The following CA5B variants were observed in gnomAD, a reference collection of about 807,000 sequenced individuals.
CA5B encodes carbonic anhydrase 5B, also known as carbonic anhydrase 5B, mitochondrial.
In CA5B, 15 loss-of-function variants were observed where a neutral mutation model predicts 23.1. The observed-to-expected ratio is 0.65, with a 90% confidence interval of 0.43 to 1.00. The LOEUF is 1.00. CA5B is among the 50% of genes least tolerant of loss of function. The pLI, the probability that CA5B is intolerant of heterozygous loss-of-function variation, is 0.00. For synonymous variants in CA5B, 84 were observed against 98.5 expected (o/e 0.85, Z 0.87); for missense variants, 236 against 252.2 (o/e 0.94, Z 0.43).
At chrX:15,754,986 G>T (rs1346755423) in intron 2 of CA5B, among the ~76,000 whole-genome samples, 1 of 111,856 alleles carries the variant, frequency 8.9e-6, no homozygotes, top group African/African-American at 3.3e-5. Context: ...CATCAGAGAG[G>T]GTTCTATTTG....
intron 2 of CA5B, among the ~76,000 whole-genome samples, chrX:15,758,511 T>A (rs1931539162): frequency 9.0e-6 from 1 of 111,199 alleles, no homozygotes; most frequent in African/African-American, 3.3e-5. Flanking sequence ...TTTATTTTTA[T>A]TTTTTTATTT....
At chrX:15,751,918 C>G (rs763188895) in intron 2 of CA5B, among the ~76,000 whole-genome samples, 1 of 111,389 alleles carries the variant, frequency 9.0e-6, no homozygotes, top group South Asian at 3.8e-4. Context: ...AACAGAAGGC[C>G]AATGTACACT....
chrX:15,744,186 A>G (rs746960394), intron 1 of CA5B, among the ~76,000 whole-genome samples: 8 of 112,828 alleles, frequency 7.1e-5, no homozygotes, highest in Non-Finnish European at 1.3e-4. Flanking sequence ...TGATTGCAGA[A>G]TGGAGGGCAG....
At chrX:15,775,491 G>A (rs756622139) in intron 6 of CA5B, 183 bp downstream of exon 6, 41 of 972,117 alleles carry the variant, frequency 4.2e-5, no homozygotes, top group African/African-American at 2.4e-4. Context: ...TAGGCAGTGA[G>A]CTTTCTGGTT....
Position 15,772,587 on chromosome X carries a change from C to G in CA5B, c.432C>G (p.Thr144=). Residue 144 remains threonine (T), a synonymous_variant, in exon 4 of 8, where the codon ACC becomes ACG. Transcript: ENST00000318636. ...TCGATGCCTGGGGTTCTGAGCACAC[C>G]GTGGACAGCAAATGCTTCCCAGCAG... ...GAIDAWGSEH[T]VDSKCFPAEL... The G allele has an allele frequency of 8.4e-7, 1 of 1,193,592 alleles. No individual in the cohort carries two copies.
In CA5B at chrX:15,768,006, A is replaced by T. The variant is rs1931747000; in HGVS notation, c.340+3231A>T. ...CTTCACCTCCTGGCTTCAGGCAATT[A>T]TCCCGCCTCAGCCTCCTGAGTAGCT... is the stretch of plus-strand genomic sequence containing the variant. On this transcript the variant is annotated intron_variant, in intron 3 of 7. Coordinates refer to ENST00000318636, the MANE Select transcript of CA5B (RefSeq NM_007220.4). 3.2e-5 allele frequency among the ~76,000 whole-genome samples: 3 copies of T among 93,845 alleles called. No individual in the cohort carries two copies. The Admixed American group carries it at 3.7e-4, about 12-fold the overall frequency. 81.5% of individuals were successfully genotyped at this position (93,845 alleles called of 115,157 possible). A position where few individuals can be genotyped will look rare whatever the true frequency, so the allele number is the denominator to read the frequency against.
intron 2 of CA5B, among the ~76,000 whole-genome samples, chrX:15,757,807 C>T (rs903387852): frequency 5.4e-5 from 6 of 110,475 alleles, no homozygotes; most frequent in Non-Finnish European, 1.1e-4. Flanking sequence ...AAGAAAAGTA[C>T]ATAGGAACAC....
intron 1 of CA5B, among the ~76,000 whole-genome samples, chrX:15,749,500 GT>G (rs1022679880): frequency 8.1e-5 from 9 of 111,533 alleles, no homozygotes; most frequent in African/African-American, 2.9e-4. Flanking sequence ...TTTTGTTTTT[GT>G]TTTTGTTTTT....
intron 1 of CA5B, among the ~76,000 whole-genome samples, chrX:15,749,112 C>A (rs1243867768): frequency 9.0e-6 from 1 of 111,100 alleles, no homozygotes; most frequent in Non-Finnish European, 1.9e-5. Context: ...CTAAACACTT[C>A]TAAATCTGTA....
intron 3 of CA5B, among the ~76,000 whole-genome samples, chrX:15,769,876 C>A (rs969852463): frequency 8.9e-6 from 1 of 112,186 alleles, no homozygotes; most frequent in Non-Finnish European, 1.9e-5. Flanking sequence ...TCTGTCAGCT[C>A]CTTCTCTTTC....
intron 2 of CA5B, among the ~76,000 whole-genome samples, chrX:15,764,046 A>T (rs905270936): frequency 9.0e-5 from 10 of 111,633 alleles, no homozygotes; most frequent in Non-Finnish European, 1.7e-4. Context: ...TTTCCCACCT[A>T]GTCCACTCAG....
chrX:15,759,883 G>C (rs145437295), intron 2 of CA5B, among the ~76,000 whole-genome samples: 2 of 107,100 alleles, frequency 1.9e-5, no homozygotes, highest in South Asian at 8.4e-4. Context: ...CTCCCGAGTA[G>C]CTGGGATTAT....
At chrX:15,757,687 G>A (rs1406328657) in intron 2 of CA5B, among the ~76,000 whole-genome samples, 3 of 102,469 alleles carry the variant, frequency 2.9e-5, no homozygotes, top group South Asian at 9.5e-4. Flanking sequence ...TAGCCTGGGT[G>A]ACAGAGCGAG....
chrX:15,751,823 C>T (rs577955507), intron 2 of CA5B, among the ~76,000 whole-genome samples: 3 of 111,167 alleles, frequency 2.7e-5, no homozygotes, highest in African/African-American at 9.8e-5. Flanking sequence ...TCTGGGCCTT[C>T]GAGCCGGTCC....
At chrX:15,749,893 T>G in intron 1 of CA5B, 78 bp from the exon 2 acceptor site, 2 of 768,924 alleles carry the variant, frequency 2.6e-6, no homozygotes, top group East Asian at 6.4e-5. Flanking sequence ...GTCTGAATAT[T>G]GTCCTGCTTA....
At chrX:15,753,395 G>A (rs936411771) in intron 2 of CA5B, among the ~76,000 whole-genome samples, 1 of 112,074 alleles carries the variant, frequency 8.9e-6, no homozygotes, top group East Asian at 2.8e-4. Flanking sequence ...AGATAAGGGG[G>A]ATTGTAGAAG....
At chrX:15,750,642 T>C (rs1931337831) in intron 2 of CA5B, among the ~76,000 whole-genome samples, 1 of 112,517 alleles carries the variant, frequency 8.9e-6, no homozygotes, top group Admixed American at 9.4e-5. Flanking sequence ...GTAAACAGTT[T>C]ACTAGCTTCA....
rs1931940982 is a variant in CA5B, at chrX:15,776,810, C to T, written c.715C>T (p.Leu239Phe). The T allele has an allele frequency of 8.3e-7, 1 of 1,209,177 alleles. No individual in the cohort carries two copies. The highest frequency in any genetic ancestry group is 3.0e-5 in the East Asian group (1 of 33,859). The change falls in exon 7 of 8, where the codon CTC (leucine) becomes TTC (phenylalanine). Residue 239 changes from leucine to phenylalanine, a missense_variant. Transcript: ENST00000318636. ...TYSGSLTTPP[L>F]SESVTWIIKK... ...CTCAGGGTCTCTGACTACCCCACCC[C>T]TCTCCGAGTCTGTCACCTGGATCAT...
intron 2 of CA5B, among the ~76,000 whole-genome samples, chrX:15,755,712 G>A (rs1931474875): frequency 8.9e-6 from 1 of 112,254 alleles, no homozygotes. Context: ...AAGGTGGGAC[G>A]ATCGCTTGAG....
Sources: allele counts gnomAD v4.1 joint callset (sites outside exome capture counted in the v4.1 genomes callset), GRCh38; gene constraint gnomAD v4.1.1; transcripts MANE v1.5; gene names NCBI Gene and HGNC (gene_info 2026-07-23, HGNC 2026-07-21).